Variants in HSBP1 observed in about 807,000 individuals in gnomAD.
The protein encoded by HSBP1 is heat shock factor-binding protein 1.
HSBP1 carries 5 observed loss-of-function variants against 9.6 expected under a neutral mutation model. The observed-to-expected ratio is 0.52, with a 90% CI of 0.27 to 1.09. The LOEUF (loss-of-function observed/expected upper bound fraction) is 1.09, where lower values mean the gene tolerates loss of function less well. HSBP1 is among the 50% of genes least tolerant of loss of function. The probability of loss-of-function intolerance (pLI) is 0.11; values close to 1 mark genes in which losing one functional copy is unlikely to be tolerated. For synonymous variants in HSBP1, 42 were observed against 33.3 expected (o/e 1.26, Z -0.90); for missense variants, 121 against 96.3 (o/e 1.26, Z -1.07).
chr16:83,810,039 CTAA>C (rs1371768435), intron 3 of HSBP1, among the ~76,000 whole-genome samples: 1 of 59,428 alleles, frequency 1.7e-5, no homozygotes, highest in Non-Finnish European at 4.5e-5. Context: ...ATCATTCCAG[CTAA>C]TAATTAAGGT....
At chr16:83,810,306 A>C (rs909686443) in intron 3 of HSBP1, among the ~76,000 whole-genome samples, 17 of 152,284 alleles carry the variant, frequency 1.1e-4, no homozygotes, top group Admixed American at 1.0e-3. Flanking sequence ...GTACCTACAC[A>C]GCAAGATAGG....
At position 83,813,846 on chromosome 16, in the gene HSBP1, T is replaced by A. The variant is rs1904658912; in HGVS notation, c.*2428T>A. The A allele has an allele frequency of 6.6e-6, 1 of 151,998 alleles. No individual in the cohort carries two copies. The highest frequency in any genetic ancestry group is 1.5e-5 in the Non-Finnish European group (1 of 67,986). 9.4% of individuals were successfully genotyped at this position (151,998 alleles called of 1,614,324 possible). On this transcript the variant is annotated 3_prime_UTR_variant, in exon 4 of 4. Transcript: ENST00000433866. ...CCTGCTTTCCTTTGAGCCACAGGAT[T>A]TTAAAATATTTCAATCTTATTTTCA...
chr16:83,808,019 A>G lies in HSBP1; in HGVS notation c.-58A>G. ...GCAGCGGCCCGGGGCGACTGAGCGG[A>G]CAAACGGAAGTGTAGGTTACGGTCT... On this transcript the variant is annotated 5_prime_UTR_variant, in exon 1 of 4. Transcript: ENST00000433866. 2 of 1,449,766 alleles carry G rather than the reference A, an allele frequency of 1.4e-6. No individual in the cohort carries two copies. The highest frequency in any genetic ancestry group is 3.0e-5 in the African/African-American group (2 of 67,478). 89.8% of individuals were successfully genotyped at this position (1,449,766 alleles called of 1,614,324 possible).
chr16:83,819,583 A>T lies in HSBP1; in HGVS notation c.*8165A>T, dbSNP rs948188237. 2 of 152,206 alleles carry T rather than the reference A, an allele frequency of 1.3e-5. No individual in the cohort carries two copies. The highest frequency in any genetic ancestry group is 6.5e-5 in the Admixed American group (1 of 15,272). The allele number at this position is 152,206 out of a possible 1,614,324, so 9.4% of individuals were successfully genotyped here. Reference sequence around the variant, plus strand: ...TTAAAATGTACTTCAGTAAAAAATCATTTCAACTCTTAAGCCACAAAAGGA... The same window carrying T: ...TTAAAATGTACTTCAGTAAAAAATCTTTTCAACTCTTAAGCCACAAAAGGA... On this transcript the variant is annotated 3_prime_UTR_variant, in exon 4 of 4. Coordinates refer to ENST00000433866, the MANE Select transcript of HSBP1 (RefSeq NM_001537.4).
intron 2 of HSBP1, 79 bp downstream of exon 2, chr16:83,808,825 GT>G (rs763688939): frequency 7.9e-6 from 8 of 1,007,682 alleles, no homozygotes; most frequent in Non-Finnish European, 1.1e-5. Context: ...TAAATGAGTA[GT>G]TTTCAGGCTA....
Position 83,816,706 on chromosome 16 carries a change from A to C in HSBP1, c.*5288A>C, listed in dbSNP as rs915971058. On this transcript the variant is annotated 3_prime_UTR_variant, in exon 4 of 4. Transcript: ENST00000433866. ...GCTGCGTCAACACCCTACCATGCAC[A>C]GGACAACCCTCACCCCAAAGAGTGG... The C allele has an allele frequency of 2.6e-5, 4 of 152,222 alleles. No individual in the cohort carries two copies. The highest frequency in any genetic ancestry group is 9.6e-5 in the African/African-American group (4 of 41,452). 9.4% of individuals were successfully genotyped at this position (152,222 alleles called of 1,614,324 possible). A position where few individuals can be genotyped will look rare whatever the true frequency, so the allele number is the denominator to read the frequency against.
At chr16:83,808,612 C>A in intron 1 of HSBP1, 68 bp from the exon 2 acceptor site, 2 of 1,261,144 alleles carry the variant, frequency 1.6e-6, no homozygotes, top group South Asian at 1.3e-5. Flanking sequence ...CCAGGGCTTG[C>A]GTCCTGATCC....
intron 3 of HSBP1, among the ~76,000 whole-genome samples, chr16:83,811,134 G>A (rs1303655057): frequency 6.6e-6 from 1 of 152,126 alleles, no homozygotes; most frequent in East Asian, 1.9e-4. Flanking sequence ...ATATTATGTG[G>A]CAATCAAAAC....
At chr16:83,808,501 A>G in intron 1 of HSBP1, 179 bp from the exon 2 acceptor site, 1 of 594,340 alleles carries the variant, frequency 1.7e-6, no homozygotes, top group Non-Finnish European at 3.0e-6. Context: ...CCAGCCCAGC[A>G]GTCTAATTGG....
intron 1 of HSBP1, chr16:83,808,376 C>G (rs1226081136): frequency 3.6e-6 from 2 of 551,554 alleles, no homozygotes; most frequent in African/African-American, 3.9e-5. Flanking sequence ...CCCTCCGGGT[C>G]CCTCCCGCCT....
In HSBP1 at chr16:83,812,580, C is replaced by G. The variant is rs573438551; in HGVS notation, c.*1162C>G. The G allele has an allele frequency of 5.3e-5, 8 of 152,278 alleles. No homozygotes were observed. Among genetic ancestry groups the G allele is most frequent in the African/African-American group, 1.7e-4 (7 of 41,548 alleles). The allele number at this position is 152,278 out of a possible 1,614,324, so 9.4% of individuals were successfully genotyped here. A position where few individuals can be genotyped will look rare whatever the true frequency, so the allele number is the denominator to read the frequency against. On this transcript the variant is annotated 3_prime_UTR_variant, in exon 4 of 4. Coordinates refer to ENST00000433866, the MANE Select transcript of HSBP1 (RefSeq NM_001537.4). ...CATGATTTTTTTAAGTTTCTCATCT[C>G]ACCAGTCTTGGTGTTTATATTGCAA...
Position 83,816,621 on chromosome 16 carries a change from T to A in HSBP1, c.*5203T>A, listed in dbSNP as rs1043217477. The A allele has an allele frequency of 5.3e-5, 8 of 152,142 alleles. No homozygotes were observed. In the East Asian group the frequency reaches 1.5e-3, roughly 29 times the overall value. 9.4% of individuals were successfully genotyped at this position (152,142 alleles called of 1,614,324 possible). On this transcript the variant is annotated 3_prime_UTR_variant, in exon 4 of 4. Transcript: ENST00000433866. ...GGTTGAGCCATGTGGTTCTTGTTTT[T>A]TTGTTGTCACAACTCAGGTTGGGGG... is the stretch of plus-strand genomic sequence containing the variant.
rs1904789604 is a variant in HSBP1, at chr16:83,819,351, C to G, written c.*7933C>G. The G allele has an allele frequency of 6.6e-6, 1 of 152,070 alleles. No homozygotes were observed. Among genetic ancestry groups the G allele is most frequent in the Non-Finnish European group, 1.5e-5 (1 of 68,016 alleles). 9.4% of individuals were successfully genotyped at this position (152,070 alleles called of 1,614,324 possible). ...AGAAATGGGAGTGTGGGCGATGCTC[C>G]CATGCTGGGAGTCTCAGGCCTGGGC... On this transcript the variant is annotated 3_prime_UTR_variant, in exon 4 of 4. Transcript: ENST00000433866.
chr16:83,819,456 T>C lies in HSBP1; in HGVS notation c.*8038T>C, dbSNP rs1326116400. The C allele has an allele frequency of 2.0e-5, 3 of 152,166 alleles. No homozygotes were observed. The highest frequency in any genetic ancestry group is 7.2e-5 in the African/African-American group (3 of 41,438). 9.4% of individuals were successfully genotyped at this position (152,166 alleles called of 1,614,324 possible). A position where few individuals can be genotyped will look rare whatever the true frequency, so the allele number is the denominator to read the frequency against. On this transcript the variant is annotated 3_prime_UTR_variant, in exon 4 of 4. Coordinates refer to ENST00000433866, the MANE Select transcript of HSBP1 (RefSeq NM_001537.4). ...CTCTAGGACCTAGTGTGACCTCTTC[T>C]GCCTTCTGAACCGAGGAGTCCACCC...
At chr16:83,808,380 C>T in intron 1 of HSBP1, 1 of 554,340 alleles carries the variant, frequency 1.8e-6, no homozygotes, top group East Asian at 3.2e-5. Flanking sequence ...CCGGGTCCCT[C>T]CCGCCTACCT....
In HSBP1 at chr16:83,807,981, C is replaced by A; in HGVS notation, c.-96C>A. ...CCCCGCGGTCCCGCGAGCTGCCAGT[C>A]TCGTCGCGAGAAGCAGCGGCCCGGG... is the stretch of plus-strand genomic sequence containing the variant. On this transcript the variant is annotated 5_prime_UTR_variant, in exon 1 of 4. Transcript: ENST00000433866. 1 of 1,141,094 alleles carries A rather than the reference C, an allele frequency of 8.8e-7. No homozygotes were observed. The highest frequency in any genetic ancestry group is 1.5e-5 in the South Asian group (1 of 66,290). The allele number at this position is 1,141,094 out of a possible 1,614,324, so 70.7% of individuals were successfully genotyped here. A position where few individuals can be genotyped will look rare whatever the true frequency, so the allele number is the denominator to read the frequency against.
rs1904753612 is a variant in HSBP1, at chr16:83,817,735, C to T, written c.*6317C>T. ...ATTTTGATGGGCTATGGATAATCATCAGAAGAGCCATTTCTGGAAATGTAA... is the reference window on the plus strand; with the variant it reads ...ATTTTGATGGGCTATGGATAATCATTAGAAGAGCCATTTCTGGAAATGTAA... On this transcript the variant is annotated 3_prime_UTR_variant, in exon 4 of 4. Transcript: ENST00000433866. 1 of 152,170 alleles carries T rather than the reference C, an allele frequency of 6.6e-6. No individual in the cohort carries two copies. The highest frequency in any genetic ancestry group is 1.5e-5 in the Non-Finnish European group (1 of 68,020). 9.4% of individuals were successfully genotyped at this position (152,170 alleles called of 1,614,324 possible). A position where few individuals can be genotyped will look rare whatever the true frequency, so the allele number is the denominator to read the frequency against.
intron 1 of HSBP1, 120 bp from the exon 2 acceptor site, chr16:83,808,560 G>T (rs1030614674): frequency 1.1e-5 from 8 of 702,562 alleles, no homozygotes; most frequent in Non-Finnish European, 2.0e-5. Flanking sequence ...GCTGAAGGCC[G>T]CACAGCTGTC....
rs1597255533 is a variant in HSBP1 at position 83,812,396 on chromosome 16, T to C, written c.*978T>C. On this transcript the variant is annotated 3_prime_UTR_variant, in exon 4 of 4. Coordinates refer to ENST00000433866, the MANE Select transcript of HSBP1 (RefSeq NM_001537.4). ...TTCTTGCAGAGTGTCAATGTTATCATTGATTATAGAAGACAGGGATAATAC... is the reference window on the plus strand; with the variant it reads ...TTCTTGCAGAGTGTCAATGTTATCACTGATTATAGAAGACAGGGATAATAC... 5 of 152,306 alleles carry C rather than the reference T, an allele frequency of 3.3e-5. No individual in the cohort carries two copies. In the East Asian group the frequency reaches 7.7e-4, roughly 23 times the overall value. The allele number at this position is 152,306 out of a possible 1,614,324, so 9.4% of individuals were successfully genotyped here. A position where few individuals can be genotyped will look rare whatever the true frequency, so the allele number is the denominator to read the frequency against.
Sources: allele counts gnomAD v4.1 joint callset (sites outside exome capture counted in the v4.1 genomes callset), GRCh38; gene constraint gnomAD v4.1.1; transcripts MANE v1.5; gene names NCBI Gene and HGNC (gene_info 2026-07-23, HGNC 2026-07-21).